Variants in SCRN1 observed in about 807,000 individuals in gnomAD.
The protein encoded by SCRN1 is secernin 1, also known as secernin-1.
A neutral mutation model predicts 43.3 loss-of-function variants in SCRN1; 19 were observed. The ratio of observed to expected loss-of-function variants is 0.44; its 90% CI spans 0.31 to 0.64. The LOEUF (loss-of-function observed/expected upper bound fraction) is 0.64, where lower values mean the gene tolerates loss of function less well. SCRN1 is among the 30% of genes least tolerant of loss of function. SCRN1 has a pLI of 0.09. For missense variants in SCRN1, 447 were observed against 524.1 expected (o/e 0.85, Z 1.44); for synonymous variants, 183 against 188.9 (o/e 0.97, Z 0.26).
chr7:29,972,010 T>A (rs947009172), intron 1 of SCRN1, among the ~76,000 whole-genome samples: 1 of 152,174 alleles, frequency 6.6e-6, no homozygotes, highest in African/African-American at 2.4e-5. Flanking sequence ...ATAAAGAGGC[T>A]CCAGTTCTTT....
chr7:29,980,856 T>C (rs1261473824), intron 1 of SCRN1, among the ~76,000 whole-genome samples: 2 of 152,156 alleles, frequency 1.3e-5, no homozygotes, highest in African/African-American at 4.8e-5. Context: ...TATATATGCG[T>C]GCATATACAT....
intron 1 of SCRN1, among the ~76,000 whole-genome samples, chr7:29,977,683 C>T (rs980176158): frequency 6.6e-6 from 1 of 152,128 alleles, no homozygotes; most frequent in African/African-American, 2.4e-5. Context: ...GAATGAGGAA[C>T]CAAGTAATGG....
At chr7:29,971,881 TTATGGCAGG>T (rs2127925436) in intron 1 of SCRN1, among the ~76,000 whole-genome samples, 1 of 152,274 alleles carries the variant, frequency 6.6e-6, no homozygotes, top group South Asian at 2.1e-4. Context: ...CCTGCATTGT[TTATGGCAGG>T]CCCCTCCCCA....
intron 2 of SCRN1, among the ~76,000 whole-genome samples, chr7:29,963,803 T>A (rs1030647777): frequency 2.0e-5 from 3 of 152,216 alleles, no homozygotes; most frequent in Admixed American, 1.3e-4. Flanking sequence ...TGGATTACTA[T>A]GTAGCTGTAA....
At position 29,921,869 on chromosome 7, in the gene SCRN1, A is replaced by G. The variant is rs1786771205; in HGVS notation, c.*2088T>C. On this transcript the variant is annotated 3_prime_UTR_variant, in exon 8 of 8. Transcript: ENST00000242059. ...ACTTCTTTTGATCAAATCCTGAATC[A>G]CCTTGGTTATCTCAGACATGTCAGG... is the stretch of plus-strand genomic sequence containing the variant. The G allele has an allele frequency of 6.6e-6, 1 of 152,152 alleles. No individual in the cohort carries two copies. Among genetic ancestry groups the G allele is most frequent in the Admixed American group, 6.5e-5 (1 of 15,280 alleles). 9.4% of individuals were successfully genotyped at this position (152,152 alleles called of 1,614,324 possible).
rs115259488 is a variant in SCRN1 at position 29,930,789 on chromosome 7, C to T, written c.906-4157G>A. ...GGTGTGGTGTGACAGGAATACAAGA[C>T]GATGGGCCCAAAAGCACAAAGTGCT... is the stretch of plus-strand genomic sequence containing the variant. On this transcript the variant is annotated intron_variant, in intron 6 of 7. Transcript: ENST00000242059. Among the ~76,000 whole-genome samples, 559 of 152,332 alleles carry T rather than the reference C, an allele frequency of 3.7e-3. 1 individual carries two copies. The highest frequency in any genetic ancestry group is 0.012 in the African/African-American group (498 of 41,562).
chr7:29,945,003 G>A (rs1167543452), intron 3 of SCRN1, among the ~76,000 whole-genome samples: 1 of 152,190 alleles, frequency 6.6e-6, no homozygotes, highest in Non-Finnish European at 1.5e-5. Flanking sequence ...ATTATCCTGT[G>A]TCCAGAGAGG....
At position 29,965,518 on chromosome 7, in the gene SCRN1, T is replaced by C. The variant is rs1788458854; in HGVS notation, c.159+3391A>G. Among the ~76,000 whole-genome samples, 1 of 152,168 alleles carries C rather than the reference T, an allele frequency of 6.6e-6. No homozygotes were observed. The highest frequency in any genetic ancestry group is 2.4e-5 in the African/African-American group (1 of 41,440). On this transcript the variant is annotated intron_variant, in intron 2 of 7. Transcript: ENST00000242059. The surrounding 1 kb of genome is among the most constrained non-coding windows in gnomAD (Gnocchi z 4.2). ...AGGGTCGACGTTTCCCGTGGGCTTC[T>C]AGTATAAACTACGTGGCCGACAATG...
At chr7:29,977,250 C>T (rs1788861795) in intron 1 of SCRN1, among the ~76,000 whole-genome samples, 1 of 152,214 alleles carries the variant, frequency 6.6e-6, no homozygotes, top group Non-Finnish European at 1.5e-5. Flanking sequence ...CTATTCTCCA[C>T]ACTACCAGCT....
intron 1 of SCRN1, among the ~76,000 whole-genome samples, chr7:29,975,901 T>C (rs1457129725): frequency 1.3e-5 from 2 of 152,262 alleles, no homozygotes; most frequent in Non-Finnish European, 2.9e-5. Context: ...GTTTGTACTA[T>C]ACATTTATGT....
chr7:29,946,724 A>G (rs553911931), intron 3 of SCRN1, among the ~76,000 whole-genome samples: 1 of 152,302 alleles, frequency 6.6e-6, no homozygotes, highest in Admixed American at 6.5e-5. Context: ...TTGTGCCAGG[A>G]CCATGGGTCA....
At chr7:29,941,945 A>G (rs74912058) in intron 4 of SCRN1, among the ~76,000 whole-genome samples, 2,777 of 152,332 alleles carry the variant, frequency 0.018, 61 homozygotes, top group Non-Finnish European at 0.021. Flanking sequence ...GAAAGCCATC[A>G]TTGCCTGAAA....
intron 4 of SCRN1, among the ~76,000 whole-genome samples, chr7:29,941,112 T>C (rs140652926): frequency 6.6e-6 from 1 of 152,234 alleles, no homozygotes; most frequent in Non-Finnish European, 1.5e-5. Flanking sequence ...AACAGTCACT[T>C]AACCCATCTT....
chr7:29,973,751 A>C (rs756927553), intron 1 of SCRN1, among the ~76,000 whole-genome samples: 1 of 152,230 alleles, frequency 6.6e-6, no homozygotes. Context: ...AAATGATGAA[A>C]ATAGAATAAG....
chr7:29,949,800 A>G (rs868157555), intron 3 of SCRN1, among the ~76,000 whole-genome samples: 9 of 151,768 alleles, frequency 5.9e-5, no homozygotes, highest in Middle Eastern at 3.4e-3. Flanking sequence ...CAGTCTCTCA[A>G]GTAGTTGGGA....
At chr7:29,929,949 T>C (rs1242595260) in intron 6 of SCRN1, among the ~76,000 whole-genome samples, 1 of 152,236 alleles carries the variant, frequency 6.6e-6, no homozygotes, top group African/African-American at 2.4e-5. Context: ...TGAGGGTGTC[T>C]GGTGCTTTTC....
chr7:29,973,992 G>A (rs115213677), intron 1 of SCRN1, among the ~76,000 whole-genome samples: 1 of 152,054 alleles, frequency 6.6e-6, no homozygotes, highest in Non-Finnish European at 1.5e-5. Context: ...GATTTGAGGG[G>A]CAAGATAAAT....
At chr7:29,938,553 G>T (rs1455733938) in intron 5 of SCRN1, among the ~76,000 whole-genome samples, 1 of 152,230 alleles carries the variant, frequency 6.6e-6, no homozygotes, top group Non-Finnish European at 1.5e-5. Flanking sequence ...ACGGAATCAG[G>T]GCAAGGAACA....
intron 3 of SCRN1, 119 bp downstream of exon 3, chr7:29,955,060 A>G: frequency 2.6e-6 from 2 of 780,490 alleles, no homozygotes; most frequent in Non-Finnish European, 4.2e-6. Flanking sequence ...TTCTATCAAA[A>G]GGCACACATC....
Sources: gnomAD v4.1 joint callset for allele counts (sites outside exome capture counted in the v4.1 genomes callset) on GRCh38, gnomAD v4.1.1 for gene constraint, Gnocchi (gnomAD v3.1) non-coding constraint, MANE v1.5 for transcripts, NCBI Gene and HGNC (gene_info 2026-07-23, HGNC 2026-07-21) for gene names.